The following BRIP1 variants were observed in gnomAD, a reference collection of about 807,000 sequenced individuals.
The protein encoded by BRIP1 is Fanconi anemia group J protein.
BRIP1 carries 88 observed loss-of-function variants against 119.7 expected under a neutral mutation model. The ratio of observed to expected loss-of-function variants is 0.74; its 90% CI spans 0.62 to 0.88. The LOEUF is 0.88. Ranked by LOEUF, BRIP1 falls within the 40% of genes least tolerant of loss-of-function variation. The pLI is 0.00. For synonymous variants in BRIP1, 443 were observed against 496.5 expected, an observed-to-expected ratio of 0.89 and a Z score of 1.43; for missense variants, 1,259 against 1,455.4, an observed-to-expected ratio of 0.87 and a Z score of 2.20.
chr17:61,755,625 G>A lies in BRIP1; in HGVS notation c.2098-11034C>T, dbSNP rs2077190905. ...AGATGCTTTGTAAGATGACAAAGAT[G>A]AGGGGGAAAGAAGGGTATGACTAAA... is the stretch of plus-strand genomic sequence containing the variant. On this transcript the variant is annotated intron_variant, in intron 14 of 19. Transcript: ENST00000259008. This position sits in a 1 kb window ranked among gnomAD's most constrained non-coding sequence, Gnocchi z 4.5. 6.6e-6 allele frequency among the ~76,000 whole-genome samples: 1 copy of A among 152,132 alleles called. No homozygotes were observed. Among genetic ancestry groups the A allele is most frequent in the Admixed American group, 6.6e-5 (1 of 15,266 alleles).
rs942311719 is a variant in BRIP1, at chr17:61,752,992, G to A, written c.2098-8401C>T. Among the ~76,000 whole-genome samples the A allele has an allele frequency of 6.6e-6, 1 of 152,116 alleles. No individual in the cohort carries two copies. The highest frequency in any genetic ancestry group is 2.4e-5 in the African/African-American group (1 of 41,402). On this transcript the variant is annotated intron_variant, in intron 14 of 19. Coordinates refer to ENST00000259008, the MANE Select transcript of BRIP1 (RefSeq NM_032043.3). The surrounding 1 kb of genome is among the most constrained non-coding windows in gnomAD (Gnocchi z 6.2). ...CTCTAATGTGGCAGCATTGAGAGGT[G>A]GGGGATTTTAAGAGGTGACAGGGTA...
In BRIP1 at chr17:61,775,285, T is replaced by A. The variant is rs537015937; in HGVS notation, c.2097+1116A>T. ...TATTTTTAGATATTCTTGTAAAAAATTATCTGATTAAATATGTTTTTGAAA... is the reference window on the plus strand; with the variant it reads ...TATTTTTAGATATTCTTGTAAAAAAATATCTGATTAAATATGTTTTTGAAA... On this transcript the variant is annotated intron_variant, in intron 14 of 19. Transcript: ENST00000259008. The surrounding 1 kb of genome is among the most constrained non-coding windows in gnomAD (Gnocchi z 4.4). Among the ~76,000 whole-genome samples the A allele has an allele frequency of 4.6e-5, 7 of 152,288 alleles. No individual in the cohort carries two copies. Among genetic ancestry groups the A allele is most frequent in the Admixed American group, 3.9e-4 (6 of 15,292 alleles).
At position 61,768,746 on chromosome 17, in the gene BRIP1, GACTTT is replaced by G. The variant is rs2077406019; in HGVS notation, c.2097+7650_2097+7654del. Among the ~76,000 whole-genome samples, 1 of 152,018 alleles carries G rather than the reference GACTTT, an allele frequency of 6.6e-6. No homozygotes were observed. Reference sequence around the variant, plus strand: ...TCTCCCCGTTGTGAGATAAAAATAAGACTTTACTTCCATGATTAGATTATATTATG... The same window carrying G: ...TCTCCCCGTTGTGAGATAAAAATAAGACTTCCATGATTAGATTATATTATG... On this transcript the variant is annotated intron_variant, in intron 14 of 19. Transcript: ENST00000259008. This position sits in a 1 kb window ranked among gnomAD's most constrained non-coding sequence, Gnocchi z 5.0.
Position 61,856,607 on chromosome 17 carries a change from A to T in BRIP1, c.379+451T>A, listed in dbSNP as rs530819090. ...CTTAATGTATTTCTCTAAAATTAGT[A>T]AAAATTATTTAAAGATCACACATAA... On this transcript the variant is annotated intron_variant, in intron 4 of 19. Transcript: ENST00000259008. This position sits in a 1 kb window ranked among gnomAD's most constrained non-coding sequence, Gnocchi z 5.1. Among the ~76,000 whole-genome samples, 1 of 152,298 alleles carries T rather than the reference A, an allele frequency of 6.6e-6. No homozygotes were observed. The highest frequency in any genetic ancestry group is 1.5e-5 in the Non-Finnish European group (1 of 68,012).
intron 6 of BRIP1, among the ~76,000 whole-genome samples, chr17:61,829,853 T>G (rs956505945): frequency 6.6e-6 from 1 of 151,566 alleles, no homozygotes; most frequent in Non-Finnish European, 1.5e-5. Context: ...TAGAGGGAAA[T>G]GTATAGCTTT....
chr17:61,777,636 T>C (rs1382028239), intron 13 of BRIP1, among the ~76,000 whole-genome samples: 2 of 152,114 alleles, frequency 1.3e-5, no homozygotes, highest in African/African-American at 2.4e-5. Context: ...TACTGATTTA[T>C]TAGAAAAAAT....
Position 61,759,775 on chromosome 17 carries a change from T to C in BRIP1, c.2098-15184A>G, listed in dbSNP as rs2077250632. On this transcript the variant is annotated intron_variant, in intron 14 of 19. Coordinates refer to ENST00000259008, the MANE Select transcript of BRIP1 (RefSeq NM_032043.3). This position sits in a 1 kb window ranked among gnomAD's most constrained non-coding sequence, Gnocchi z 4.9. ...AAAAATACATACCTTAATTTTAAAATACTTTATTGCTAAAAAAATGCTGAC... is the reference window on the plus strand; with the variant it reads ...AAAAATACATACCTTAATTTTAAAACACTTTATTGCTAAAAAAATGCTGAC... Among the ~76,000 whole-genome samples the C allele has an allele frequency of 6.6e-6, 1 of 151,908 alleles. No individual in the cohort carries two copies. The highest frequency in any genetic ancestry group is 1.5e-5 in the Non-Finnish European group (1 of 67,962).
rs1007455041 is a variant in BRIP1, at chr17:61,709,032, C to T, written c.2492+6919G>A. ...ACAGAGTCTCTGTTGTTCAACCTTT[C>T]CAGAAGTAAACCTGGGTGAGGGAGG... On this transcript the variant is annotated intron_variant, in intron 17 of 19. Transcript: ENST00000259008. This position sits in a 1 kb window ranked among gnomAD's most constrained non-coding sequence, Gnocchi z 5.0. Among the ~76,000 whole-genome samples the T allele has an allele frequency of 2.6e-5, 4 of 152,160 alleles. No individual in the cohort carries two copies. Among genetic ancestry groups the T allele is most frequent in the African/African-American group, 9.7e-5 (4 of 41,422 alleles).
At chr17:61,829,076 A>C (rs2078451147) in intron 6 of BRIP1, among the ~76,000 whole-genome samples, 1 of 152,174 alleles carries the variant, frequency 6.6e-6, no homozygotes, top group Admixed American at 6.5e-5. Context: ...AGTTGGAACA[A>C]ACAGAAAACA....
At position 61,822,750 on chromosome 17, in the gene BRIP1, T is replaced by C. The variant is rs1054292383; in HGVS notation, c.628-13993A>G. Among the ~76,000 whole-genome samples the C allele has an allele frequency of 2.6e-5, 4 of 151,248 alleles. No homozygotes were observed. The highest frequency in any genetic ancestry group is 5.9e-5 in the Non-Finnish European group (4 of 67,940). On this transcript the variant is annotated intron_variant, in intron 6 of 19. Transcript: ENST00000259008. This position sits in a 1 kb window ranked among gnomAD's most constrained non-coding sequence, Gnocchi z 4.4. ...GTGTAAATGTGTAGTGGGATGTGAATGGGGAAAAGTTTGTGTTTAAAAAAA... is the reference window on the plus strand; with the variant it reads ...GTGTAAATGTGTAGTGGGATGTGAACGGGGAAAAGTTTGTGTTTAAAAAAA...
chr17:61,787,121 T>A (rs1199464125), intron 10 of BRIP1, among the ~76,000 whole-genome samples: 2 of 111,914 alleles, frequency 1.8e-5, no homozygotes, highest in East Asian at 2.7e-4. Flanking sequence ...TAATATATAA[T>A]ATATTATATA....
Position 61,695,621 on chromosome 17 carries a change from GGATT to G in BRIP1, c.2493-2113_2493-2110del, listed in dbSNP as rs2061508913. Among the ~76,000 whole-genome samples the G allele has an allele frequency of 6.6e-6, 1 of 151,684 alleles. No homozygotes were observed. The highest frequency in any genetic ancestry group is 2.4e-5 in the African/African-American group (1 of 41,266). On this transcript the variant is annotated intron_variant, in intron 17 of 19. Coordinates refer to ENST00000259008, the MANE Select transcript of BRIP1 (RefSeq NM_032043.3). This position sits in a 1 kb window ranked among gnomAD's most constrained non-coding sequence, Gnocchi z 4.3. ...ATAAGTCTTCTAATCCATGAACGTGGGATTCTTTCCATTTATTTAGAATTTTCTT... is the reference window on the plus strand; with the variant it reads ...ATAAGTCTTCTAATCCATGAACGTGGCTTTCCATTTATTTAGAATTTTCTT...
chr17:61,799,152 T>C lies in BRIP1; in HGVS notation c.1288A>G (p.Ile430Val), dbSNP rs1567829158. The C allele has an allele frequency of 3.1e-6, 5 of 1,613,714 alleles. No individual in the cohort carries two copies. Among genetic ancestry groups the C allele is most frequent in the Non-Finnish European group, 3.4e-6 (4 of 1,179,692 alleles). The change falls in exon 9 of 20, where the codon ATA becomes GTA. Residue 430 changes from isoleucine to valine, a missense_variant. By Grantham distance (29) the Ile-to-Val change is conservative. Around this residue, in one of 3 missense-constraint regions of BRIP1, gnomAD observed 501 missense variants for 544.0 expected, o/e 0.92. Transcript: ENST00000259008. This position sits in a 1 kb window ranked among gnomAD's most constrained non-coding sequence, Gnocchi z 5.1. Reference sequence around the variant, plus strand: ...AGGGGTTCATGATCTTTCTTCCTTATATTATTGTTGACCATACTATCTAGT... The same window carrying C: ...AGGGGTTCATGATCTTTCTTCCTTACATTATTGTTGACCATACTATCTAGT... ...DELDSMVNNN[I>V]RKKDHEPLRA...
At chr17:61,723,164 G>A (rs146386993) in intron 16 of BRIP1, among the ~76,000 whole-genome samples, 1 of 152,146 alleles carries the variant, frequency 6.6e-6, no homozygotes, top group Non-Finnish European at 1.5e-5. Flanking sequence ...TGTACACTTA[G>A]GGATTATCAA....
rs1237825964 is a variant in BRIP1 at position 61,809,733 on chromosome 17, G to A, written c.628-976C>T. 6.6e-6 allele frequency among the ~76,000 whole-genome samples: 1 copy of A among 152,030 alleles called. No individual in the cohort carries two copies. The highest frequency in any genetic ancestry group is 1.5e-5 in the Non-Finnish European group (1 of 67,974). ...ATTTATAGAAGTGGTCATTGATGGG[G>A]AGGGAAAAAAGGTAAATAGCATTGT... On this transcript the variant is annotated intron_variant, in intron 6 of 19. Transcript: ENST00000259008. The surrounding 1 kb of genome is among the most constrained non-coding windows in gnomAD (Gnocchi z 5.2).
chr17:61,693,689 AAAATT>A lies in BRIP1; in HGVS notation c.2493-182_2493-178del, dbSNP rs1440269718. ...ACAATGTAACAAACTAGATGTATTAAAAATTCCCTACTTTTTCCAAATACAGATAA... is the reference window on the plus strand; with the variant it reads ...ACAATGTAACAAACTAGATGTATTAACCCTACTTTTTCCAAATACAGATAA... On this transcript the variant is annotated intron_variant, in intron 17 of 19. Transcript: ENST00000259008. This position sits in a 1 kb window ranked among gnomAD's most constrained non-coding sequence, Gnocchi z 4.2. Among the ~76,000 whole-genome samples the A allele has an allele frequency of 6.6e-6, 1 of 152,196 alleles. No homozygotes were observed. Among genetic ancestry groups the A allele is most frequent in the African/African-American group, 2.4e-5 (1 of 41,462 alleles).
chr17:61,850,884 T>C (rs972586140), intron 4 of BRIP1, among the ~76,000 whole-genome samples: 1 of 151,746 alleles, frequency 6.6e-6, no homozygotes, highest in African/African-American at 2.4e-5. Flanking sequence ...CTATGCCACA[T>C]AGCACTGATT....
chr17:61,680,599 C>A lies in BRIP1; in HGVS notation c.*2697G>T, dbSNP rs1362768285. On this transcript the variant is annotated 3_prime_UTR_variant, in exon 20 of 20. Transcript: ENST00000259008. ...GGTTCACGCCATTCTCCTGCCTCAG[C>A]CTCCTGAGTAGCTGGGACTACAGGC... Among the ~76,000 whole-genome samples, 2 of 150,872 alleles carry A rather than the reference C, an allele frequency of 1.3e-5. No homozygotes were observed. Among genetic ancestry groups the A allele is most frequent in the African/African-American group, 4.9e-5 (2 of 41,020 alleles).
chr17:61,744,545 T>C lies in BRIP1; in HGVS notation c.2144A>G (p.His715Arg), dbSNP rs1253181575. The C allele has an allele frequency of 6.2e-7, 1 of 1,613,878 alleles. No individual in the cohort carries two copies. Among genetic ancestry groups the C allele is most frequent in the Admixed American group, 1.7e-5 (1 of 60,026 alleles). ...GACTGTCTTCACCAACTCCAGATTA[T>C]GCCATAAACCAGTAGAGAGCCAACG... ...KERWLSTGLW[H>R]NLELVKTVIV... is the part of the protein sequence containing the mutation. Residue 715 changes from histidine (H) to arginine (R), a missense_variant, in exon 15 of 20, where the codon CAT (histidine) becomes CGT (arginine). Physicochemically the swap from His to Arg is conservative, Grantham distance 29. Around this residue, in one of 3 missense-constraint regions of BRIP1, gnomAD observed 753 missense variants for 891.8 expected, o/e 0.84. Coordinates refer to ENST00000259008, the MANE Select transcript of BRIP1 (RefSeq NM_032043.3). The surrounding 1 kb of genome is among the most constrained non-coding windows in gnomAD (Gnocchi z 5.0).
Sources: allele counts gnomAD v4.1 joint callset (sites outside exome capture counted in the v4.1 genomes callset), GRCh38; gene constraint gnomAD v4.1.1; regional missense constraint gnomAD v4.1.1; non-coding constraint Gnocchi (gnomAD v3.1); transcripts MANE v1.5; gene names NCBI Gene and HGNC (gene_info 2026-07-23, HGNC 2026-07-21).